The following C9orf153 variants were observed in gnomAD, a reference collection of about 807,000 sequenced individuals.
The protein encoded by C9orf153 is chromosome 9 open reading frame 153.
C9orf153 carries 10 observed loss-of-function variants against 9.0 expected under a neutral mutation model. That is an observed-to-expected ratio of 1.11 (90% confidence interval 0.69 to 1.89). The LOEUF is 1.89. C9orf153 is among the 40% of genes most tolerant of loss of function. The pLI is 0.00. For synonymous variants in C9orf153, 35 were observed against 37.3 expected (o/e 0.94, Z 0.23); for missense variants, 108 against 111.0 (o/e 0.97, Z 0.12).
chr9:86,250,404 T>C (rs765993223), intron 1 of C9orf153, among the ~76,000 whole-genome samples: 1 of 152,116 alleles, frequency 6.6e-6, no homozygotes, highest in East Asian at 1.9e-4. Context: ...ATGGGAAAGG[T>C]CACAGAGGCC....
Position 86,221,671 on chromosome 9 carries a change from T to A in C9orf153, c.*17A>T. 1 of 1,549,336 alleles carries A rather than the reference T, an allele frequency of 6.5e-7. No individual in the cohort carries two copies. The highest frequency in any genetic ancestry group is 8.7e-7 in the Non-Finnish European group (1 of 1,146,496). ...CCGAATGAAATTGCAGTAGTGCGCCTCCACTTCGCAAGCCCCTTAAAATAT... is the reference window on the plus strand; with the variant it reads ...CCGAATGAAATTGCAGTAGTGCGCCACCACTTCGCAAGCCCCTTAAAATAT... On this transcript the variant is annotated 3_prime_UTR_variant, in exon 4 of 4. Coordinates refer to ENST00000339137, the MANE Select transcript of C9orf153 (RefSeq NM_001276366.4).
intron 1 of C9orf153, among the ~76,000 whole-genome samples, chr9:86,247,647 A>C (rs1357566751): frequency 6.6e-6 from 1 of 152,114 alleles, no homozygotes; most frequent in Admixed American, 6.6e-5. Flanking sequence ...GCCTCTCCAC[A>C]CCAGCCTGGA....
chr9:86,227,517 C>A, intron 3 of C9orf153: 1 of 1,363,828 alleles, frequency 7.3e-7, no homozygotes, highest in South Asian at 2.5e-5. Flanking sequence ...TCCTTTTCTC[C>A]CACATGGCCT....
chr9:86,229,534 A>C lies in C9orf153; in HGVS notation c.66+4T>G. 6.3e-7 allele frequency: 1 copy of C among 1,584,444 alleles called. No individual in the cohort carries two copies. Among genetic ancestry groups the C allele is most frequent in the Non-Finnish European group, 8.7e-7 (1 of 1,153,082 alleles). On this transcript the variant is annotated splice_donor_region_variant and intron_variant, in intron 2 of 3. Coordinates refer to ENST00000339137, the MANE Select transcript of C9orf153 (RefSeq NM_001276366.4). ...CACCTCGTTGTACAATGTTAAGTAC[A>C]TACTGAACATTGAGGAAGGGTGGCT...
At chr9:86,252,961 C>T (rs896107759) in intron 1 of C9orf153, among the ~76,000 whole-genome samples, 8 of 151,194 alleles carry the variant, frequency 5.3e-5, no homozygotes, top group Middle Eastern at 3.2e-3. Flanking sequence ...ATTGCTGATG[C>T]TTTTTAGGTT....
intron 1 of C9orf153, among the ~76,000 whole-genome samples, chr9:86,230,504 TTGGTCAGGC>T (rs1323214928): frequency 6.6e-6 from 1 of 152,206 alleles, no homozygotes; most frequent in Non-Finnish European, 1.5e-5. Flanking sequence ...TTTCACCGTG[TTGGTCAGGC>T]TGGTCTTGAA....
At chr9:86,231,032 T>G (rs1352103301) in intron 1 of C9orf153, among the ~76,000 whole-genome samples, 1 of 152,094 alleles carries the variant, frequency 6.6e-6, no homozygotes, top group African/African-American at 2.4e-5. Flanking sequence ...TGAGCCACCA[T>G]GTAAAGAGAG....
chr9:86,232,725 T>C (rs896553297), intron 1 of C9orf153, among the ~76,000 whole-genome samples: 15 of 151,988 alleles, frequency 9.9e-5, no homozygotes, highest in Admixed American at 9.2e-4. Context: ...CTCCTCGTAA[T>C]TCTTTTTCTT....
At chr9:86,227,470 C>A in intron 3 of C9orf153, 3 of 1,403,784 alleles carry the variant, frequency 2.1e-6, no homozygotes, top group Admixed American at 5.4e-5. Flanking sequence ...AGTATTGGAC[C>A]ATTTCTGCTC....
intron 1 of C9orf153, among the ~76,000 whole-genome samples, chr9:86,240,711 T>TTC (rs200180003): frequency 0.035 from 1,179 of 34,116 alleles, 4 homozygotes; most frequent in East Asian, 0.12. Context: ...CTTTTTCTTT[T>TTC]TTTTTTTTTT....
chr9:86,227,813 T>G (rs752987944), intron 3 of C9orf153, 42 bp downstream of exon 3: 1 of 1,577,024 alleles, frequency 6.3e-7, no homozygotes. Context: ...GTAGAGGAGC[T>G]CAATCATGGA....
chr9:86,242,291 A>G (rs1311243860), intron 1 of C9orf153, among the ~76,000 whole-genome samples: 1 of 152,168 alleles, frequency 6.6e-6, no homozygotes, highest in Non-Finnish European at 1.5e-5. Context: ...CTGCCTTCTT[A>G]GAGCCTTGCA....
At chr9:86,222,406 C>T (rs1824225165) in intron 3 of C9orf153, among the ~76,000 whole-genome samples, 1 of 151,930 alleles carries the variant, frequency 6.6e-6, no homozygotes, top group Non-Finnish European at 1.5e-5. Flanking sequence ...GAAAAGGATC[C>T]AAAAACAGGG....
chr9:86,240,940 C>A (rs1824729723), intron 1 of C9orf153, among the ~76,000 whole-genome samples: 1 of 152,020 alleles, frequency 6.6e-6, no homozygotes, highest in African/African-American at 2.4e-5. Flanking sequence ...AGCTCCTGAC[C>A]TCATGACGCG....
intron 1 of C9orf153, among the ~76,000 whole-genome samples, chr9:86,239,758 G>A (rs1299088881): frequency 1.3e-5 from 2 of 152,192 alleles, no homozygotes; most frequent in Non-Finnish European, 2.9e-5. Flanking sequence ...AAAAGAGTGA[G>A]TTTTATCTTA....
intron 1 of C9orf153, among the ~76,000 whole-genome samples, chr9:86,241,995 A>T (rs1005973556): frequency 3.9e-5 from 6 of 152,204 alleles, no homozygotes; most frequent in Non-Finnish European, 1.5e-5. Flanking sequence ...TGAATTCGTA[A>T]GTTTGAAAGC....
chr9:86,256,128 C>G (rs535037726), intron 1 of C9orf153, among the ~76,000 whole-genome samples: 2 of 152,360 alleles, frequency 1.3e-5, no homozygotes, highest in African/African-American at 4.8e-5. Context: ...GAAATATCCA[C>G]TACTGTCTTC....
At chr9:86,258,878 T>C (rs1212913161) in intron 1 of C9orf153, among the ~76,000 whole-genome samples, 1 of 151,986 alleles carries the variant, frequency 6.6e-6, no homozygotes, top group African/African-American at 2.4e-5. Flanking sequence ...GGTACGTTTG[T>C]TATACTTGAT....
intron 3 of C9orf153, 100 bp from the exon 4 acceptor site, chr9:86,221,833 G>C (rs1387668829): frequency 1.5e-6 from 1 of 648,210 alleles, no homozygotes; most frequent in Non-Finnish European, 2.6e-6. Flanking sequence ...TGATGAACTC[G>C]AGTCCCCTCT....
Sources: gnomAD v4.1 joint callset for allele counts (sites outside exome capture counted in the v4.1 genomes callset) on GRCh38, gnomAD v4.1.1 for gene constraint, MANE v1.5 for transcripts, NCBI Gene and HGNC (gene_info 2026-07-23, HGNC 2026-07-21) for gene names.